KLHL28: variants seen among roughly 807,000 people sequenced by gnomAD.
KLHL28 encodes the protein kelch-like protein 28.
KLHL28 carries 22 observed loss-of-function variants against 48.3 expected under a neutral mutation model. The observed-to-expected ratio is 0.46, with a 90% confidence interval of 0.33 to 0.65. The LOEUF (loss-of-function observed/expected upper bound fraction) is 0.65, where lower values mean the gene tolerates loss of function less well. Ranked by LOEUF, KLHL28 falls within the 30% of genes least tolerant of loss-of-function variation. The pLI is 0.03. For synonymous variants in KLHL28, 243 were observed against 242.4 expected (o/e 1.00, Z -0.02); for missense variants, 527 against 704.3 (o/e 0.75, Z 2.85).
intron 2 of KLHL28, among the ~76,000 whole-genome samples, chr14:44,935,120 T>C (rs1269604145): frequency 1.3e-5 from 2 of 152,208 alleles, no homozygotes; most frequent in Non-Finnish European, 2.9e-5. Context: ...TGCCATATCA[T>C]ATAAAAGAAT....
At chr14:44,948,552 T>G (rs1884440207) in intron 1 of KLHL28, among the ~76,000 whole-genome samples, 2 of 152,150 alleles carry the variant, frequency 1.3e-5, no homozygotes, top group African/African-American at 4.8e-5. Flanking sequence ...AAAGTGATTC[T>G]CTAAAGTATA....
At position 44,927,426 on chromosome 14, in the gene KLHL28, C is replaced by T. The variant is rs1566558565; in HGVS notation, c.*1602G>A. The stretch of plus-strand genomic sequence containing the variant: ...TTAAGAATATAATATGAATTTTTTT[C>T]TTAAGAAAAATTATCTTGCAGAGAC... On this transcript the variant is annotated 3_prime_UTR_variant, in exon 5 of 5. Transcript: ENST00000396128. 1 of 152,224 alleles carries T rather than the reference C, an allele frequency of 6.6e-6. No homozygotes were observed. Among genetic ancestry groups the T allele is most frequent in the African/African-American group, 2.4e-5 (1 of 41,348 alleles). 9.4% of individuals were successfully genotyped at this position (152,224 alleles called of 1,614,324 possible).
In KLHL28 at chr14:44,928,431, T is replaced by C. The variant is rs567286566; in HGVS notation, c.*597A>G. 8 of 152,276 alleles carry C rather than the reference T, an allele frequency of 5.3e-5. No homozygotes were observed. The highest frequency in any genetic ancestry group is 5.2e-4 in the Admixed American group (8 of 15,292). The allele number at this position is 152,276 out of a possible 1,614,324, so 9.4% of individuals were successfully genotyped here. On this transcript the variant is annotated 3_prime_UTR_variant, in exon 5 of 5. Transcript: ENST00000396128. The stretch of plus-strand genomic sequence containing the variant: ...TAATAAAAGCAATTGTCTTAAAAAT[T>C]TATTACATCCGTAGCCCTAAAACCA...
At chr14:44,947,784 A>T (rs185240804) in intron 1 of KLHL28, among the ~76,000 whole-genome samples, 20 of 152,300 alleles carry the variant, frequency 1.3e-4, no homozygotes, top group Admixed American at 1.3e-3. Flanking sequence ...TCAGTTAATA[A>T]ATTATGTTAA....
intron 1 of KLHL28, among the ~76,000 whole-genome samples, chr14:44,958,471 A>G (rs1318140323): frequency 6.6e-6 from 1 of 152,128 alleles, no homozygotes; most frequent in Non-Finnish European, 1.5e-5. Context: ...AGAATATTCT[A>G]TCACATCTGC....
At chr14:44,940,007 T>G (rs1266524580) in intron 2 of KLHL28, among the ~76,000 whole-genome samples, 2 of 152,274 alleles carry the variant, frequency 1.3e-5, no homozygotes, top group Non-Finnish European at 2.9e-5. Context: ...AACAAAAGTT[T>G]ATTTGGCTTT....
At chr14:44,942,304 A>G (rs1010757484) in intron 2 of KLHL28, among the ~76,000 whole-genome samples, 3 of 152,138 alleles carry the variant, frequency 2.0e-5, no homozygotes, top group African/African-American at 4.8e-5. Flanking sequence ...TACTCTGTTA[A>G]AACATTTTTT....
rs1883429177 is a variant in KLHL28 at position 44,927,915 on chromosome 14, A to T, written c.*1113T>A. 6.6e-6 allele frequency: 1 copy of T among 152,602 alleles called. No individual in the cohort carries two copies. The highest frequency in any genetic ancestry group is 2.1e-4 in the South Asian group (1 of 4,836). 9.5% of individuals were successfully genotyped at this position (152,602 alleles called of 1,614,324 possible). A position where few individuals can be genotyped will look rare whatever the true frequency, so the allele number is the denominator to read the frequency against. On this transcript the variant is annotated 3_prime_UTR_variant, in exon 5 of 5. Transcript: ENST00000396128. ...TAAATCACTATTCAGGAACCATGAA[A>T]AGCATAACACAGGCCATTCTGATGA...
At chr14:44,960,981 G>T in intron 1 of KLHL28, 2 of 1,093,576 alleles carry the variant, frequency 1.8e-6, no homozygotes, top group Non-Finnish European at 2.7e-6. Context: ...TCATTCAAAA[G>T]TAATAGTATT....
rs964049348 is a variant in KLHL28, at chr14:44,945,863, C to A, written c.66G>T (p.Leu22=). The change falls in exon 2 of 5, where the codon CTG becomes CTT. Residue 22 remains leucine, a synonymous_variant. Coordinates refer to ENST00000396128, the MANE Select transcript of KLHL28 (RefSeq NM_017658.5). ...GTTGGCGAAGAAGATTCAAGCCCTG[C>A]AGAAGTTGTTCAGAATGCAAGTGGG... ...NLTHLHSEQL[L]QGLNLLRQHH... is the part of the protein sequence containing the mutation. The A allele has an allele frequency of 4.3e-6, 7 of 1,614,010 alleles. No individual in the cohort carries two copies. The African/African-American group carries it at 6.7e-5, about 15-fold the overall frequency.
chr14:44,945,998 A>G (rs1453341636), intron 1 of KLHL28, 70 bp from the exon 2 acceptor site: 3 of 1,180,206 alleles, frequency 2.5e-6, no homozygotes, highest in Non-Finnish European at 3.6e-6. Context: ...CTTTTCAAAT[A>G]GTACAGAATA....
chr14:44,961,326 T>C (rs577717513), intron 1 of KLHL28, among the ~76,000 whole-genome samples: 2 of 149,898 alleles, frequency 1.3e-5, no homozygotes, highest in East Asian at 3.9e-4. Context: ...TAGGGGAGAG[T>C]CCCACAGAGG....
chr14:44,933,914 A>C (rs1051697368), intron 3 of KLHL28, among the ~76,000 whole-genome samples: 3 of 152,188 alleles, frequency 2.0e-5, no homozygotes, highest in African/African-American at 4.8e-5. Flanking sequence ...TGAATGTAAA[A>C]TTTAATGAGA....
rs1215901563 is a variant in KLHL28, at chr14:44,926,515, T to C, written c.*2513A>G. The stretch of plus-strand genomic sequence containing the variant: ...GATGTGTTTATAATTAAAATCTTTT[T>C]TTTTTTTTGAGGTGGAGTTTCACTC... On this transcript the variant is annotated 3_prime_UTR_variant, in exon 5 of 5. Coordinates refer to ENST00000396128, the MANE Select transcript of KLHL28 (RefSeq NM_017658.5). 1 of 152,440 alleles carries C rather than the reference T, an allele frequency of 6.6e-6. No homozygotes were observed. The highest frequency in any genetic ancestry group is 2.4e-5 in the African/African-American group (1 of 41,440). 9.4% of individuals were successfully genotyped at this position (152,440 alleles called of 1,614,324 possible). A position where few individuals can be genotyped will look rare whatever the true frequency, so the allele number is the denominator to read the frequency against.
chr14:44,925,180 GT>G lies in KLHL28; in HGVS notation c.*3847del, dbSNP rs142921397. On this transcript the variant is annotated 3_prime_UTR_variant, in exon 5 of 5. Coordinates refer to ENST00000396128, the MANE Select transcript of KLHL28 (RefSeq NM_017658.5). ...TACAGAGGTTATGAGGTTATCACAA[GT>G]TTACTGAACTTTAAGCAGTAAGTGT... The G allele has an allele frequency of 3.9e-3, 590 of 152,276 alleles. 4 individuals are homozygous for G. The highest frequency in any genetic ancestry group is 0.013 in the African/African-American group (552 of 41,566). The allele number at this position is 152,276 out of a possible 1,614,324, so 9.4% of individuals were successfully genotyped here. A position where few individuals can be genotyped will look rare whatever the true frequency, so the allele number is the denominator to read the frequency against.
At chr14:44,948,152 G>T (rs1884416137) in intron 1 of KLHL28, among the ~76,000 whole-genome samples, 1 of 152,068 alleles carries the variant, frequency 6.6e-6, no homozygotes, top group South Asian at 2.1e-4. Context: ...TAGGTAATGG[G>T]GTTAAGAAAG....
intron 2 of KLHL28, among the ~76,000 whole-genome samples, chr14:44,937,534 C>G (rs1883877762): frequency 6.6e-6 from 1 of 152,052 alleles, no homozygotes; most frequent in African/African-American, 2.4e-5. Flanking sequence ...GATAGTAAGA[C>G]TAAAGGTTAT....
intron 1 of KLHL28, among the ~76,000 whole-genome samples, chr14:44,954,475 C>CTA (rs1360893908): frequency 6.6e-6 from 1 of 152,090 alleles, no homozygotes; most frequent in Non-Finnish European, 1.5e-5. Flanking sequence ...GTTGTGAAAA[C>CTA]TATAGAGCAT....
chr14:44,956,675 G>A (rs919505461), intron 1 of KLHL28, among the ~76,000 whole-genome samples: 6 of 152,146 alleles, frequency 3.9e-5, no homozygotes, highest in Non-Finnish European at 7.3e-5. Context: ...TTTAAAAGAC[G>A]TATCAATCAA....
Sources: allele counts gnomAD v4.1 joint callset (sites outside exome capture counted in the v4.1 genomes callset), GRCh38; gene constraint gnomAD v4.1.1; transcripts MANE v1.5; gene names NCBI Gene and HGNC (gene_info 2026-07-23, HGNC 2026-07-21).